CSMD1: variants seen among roughly 807,000 people sequenced by gnomAD.
CSMD1 encodes the protein CUB and sushi domain-containing protein 1.
Under a neutral mutation model 417.5 loss-of-function variants are expected in CSMD1, and 213 were observed. The ratio of observed to expected loss-of-function variants is 0.51; its 90% CI spans 0.46 to 0.57. The LOEUF is 0.57. Among genes scored for constraint, CSMD1 ranks in the 20% least tolerant of loss-of-function variants. CSMD1 has a pLI of 0.00. For synonymous variants in CSMD1, 2,862 were observed against 1,736.8 expected, an observed-to-expected ratio of 1.65 and a Z score of -16.11; for missense variants, 6,923 against 4,529.7, an observed-to-expected ratio of 1.53 and a Z score of -15.17.
intron 3 of CSMD1, among the ~76,000 whole-genome samples, chr8:4,060,831 T>C (rs895225483): frequency 5.3e-5 from 8 of 152,046 alleles, no homozygotes; most frequent in African/African-American, 1.9e-4. Context: ...AAATCAGAAA[T>C]GCATTAATCA....
At chr8:4,457,440 CAT>C (rs1004640282) in intron 2 of CSMD1, among the ~76,000 whole-genome samples, 3 of 151,992 alleles carry the variant, frequency 2.0e-5, no homozygotes, top group African/African-American at 4.8e-5. Context: ...AAAAAACAAA[CAT>C]AATGCATTGA....
rs372686253 is a variant in CSMD1 at position 3,407,987 on chromosome 8, G to C, written c.1983C>G (p.Ser661=). ...LGTFSGNEVP[S]QLASSGHIVR... is the part of the protein sequence containing the mutation. ...CTATATGCCCACTGCTGGCCAGCTG[G>C]GAAGGCACTTCATTGCCAGAAAAAG... Residue 661 remains serine (S), a synonymous_variant, in exon 14 of 70, where the codon TCC becomes TCG. Transcript: ENST00000635120. The C allele has an allele frequency of 1.9e-5, 30 of 1,613,666 alleles. No homozygotes were observed. The Middle Eastern group carries it at 4.9e-4, about 27-fold the overall frequency.
At chr8:3,055,862 T>C (rs10866945) in intron 49 of CSMD1, among the ~76,000 whole-genome samples, 36,525 of 152,180 alleles carry the variant, frequency 0.24, 4,691 homozygotes, top group East Asian at 0.43. Context: ...TGGCTTCAGC[T>C]AACTTACTTA....
At chr8:3,960,455 A>T (rs1048692193) in intron 5 of CSMD1, among the ~76,000 whole-genome samples, 2 of 152,214 alleles carry the variant, frequency 1.3e-5, no homozygotes, top group Admixed American at 6.5e-5. Flanking sequence ...AATTTTCAAC[A>T]CAGGGGCGAA....
intron 3 of CSMD1, among the ~76,000 whole-genome samples, chr8:4,213,845 G>A (rs1204270619): frequency 6.6e-6 from 1 of 152,202 alleles, no homozygotes; most frequent in Non-Finnish European, 1.5e-5. Flanking sequence ...TTGAACCCCA[G>A]TGTTTAGGCT....
At chr8:4,736,520 G>C (rs1034219701) in intron 1 of CSMD1, among the ~76,000 whole-genome samples, 1 of 152,078 alleles carries the variant, frequency 6.6e-6, no homozygotes, top group Non-Finnish European at 1.5e-5. Context: ...CATACACTGC[G>C]GCCATGACAG....
At chr8:4,688,266 T>C (rs559635887) in intron 1 of CSMD1, among the ~76,000 whole-genome samples, 4 of 152,324 alleles carry the variant, frequency 2.6e-5, no homozygotes, top group South Asian at 2.1e-4. Context: ...AATATGTATA[T>C]TGATCTAACA....
At chr8:4,973,905 C>T (rs1810393130) in intron 1 of CSMD1, among the ~76,000 whole-genome samples, 1 of 152,142 alleles carries the variant, frequency 6.6e-6, no homozygotes, top group Non-Finnish European at 1.5e-5. Context: ...CATTTTTCTC[C>T]AAAGTCTGTC....
At chr8:4,506,403 A>G (rs1366560207) in intron 2 of CSMD1, among the ~76,000 whole-genome samples, 2 of 152,030 alleles carry the variant, frequency 1.3e-5, no homozygotes, top group East Asian at 3.9e-4. Flanking sequence ...GAGAGAGAGA[A>G]AGTGATGAAC....
At chr8:2,951,642 A>G (rs1005029539) in intron 65 of CSMD1, among the ~76,000 whole-genome samples, 1 of 152,166 alleles carries the variant, frequency 6.6e-6, no homozygotes, top group Admixed American at 6.5e-5. Flanking sequence ...GACCCATGAA[A>G]TCACTACTGA....
chr8:3,411,599 C>T (rs1468056004), intron 12 of CSMD1, among the ~76,000 whole-genome samples: 1 of 150,490 alleles, frequency 6.6e-6, no homozygotes, highest in East Asian at 2.0e-4. Context: ...CAATCTCATC[C>T]AGGTTGCTGC....
At chr8:3,029,709 A>G (rs1010448296) in intron 50 of CSMD1, among the ~76,000 whole-genome samples, 196 bp from the exon 51 acceptor site, 2 of 151,962 alleles carry the variant, frequency 1.3e-5, no homozygotes, top group Admixed American at 6.6e-5. Context: ...AATGCATTCA[A>G]TTGCCTCACT....
chr8:3,999,197 T>C (rs1215777978), intron 4 of CSMD1, among the ~76,000 whole-genome samples: 1 of 152,038 alleles, frequency 6.6e-6, no homozygotes, highest in African/African-American at 2.4e-5. Context: ...TTCCTATCCA[T>C]AATATATATT....
At chr8:3,641,024 C>CTTTTTTTTTT (rs34851559) in intron 7 of CSMD1, among the ~76,000 whole-genome samples, 54 of 102,748 alleles carry the variant, frequency 5.3e-4, no homozygotes, top group South Asian at 1.1e-3. Flanking sequence ...TCCTTTTTTC[C>CTTTTTTTTTT]TTTTTTTTTT....
At chr8:3,128,831 TCTC>T (rs1585421044) in intron 41 of CSMD1, 1 of 449,306 alleles carries the variant, frequency 2.2e-6, no homozygotes, top group Non-Finnish European at 4.4e-6. Context: ...AGTCCTTTCT[TCTC>T]CTTGACATCT....
At chr8:3,475,264 C>T (rs1337813255) in intron 11 of CSMD1, among the ~76,000 whole-genome samples, 1 of 152,166 alleles carries the variant, frequency 6.6e-6, no homozygotes, top group Non-Finnish European at 1.5e-5. Flanking sequence ...CAACCTCCAC[C>T]TTCTTTCAAA....
chr8:4,119,450 A>C (rs555781785), intron 3 of CSMD1, among the ~76,000 whole-genome samples: 2 of 152,302 alleles, frequency 1.3e-5, no homozygotes, highest in Admixed American at 6.5e-5. Flanking sequence ...CATGGACTGA[A>C]TATCTGTGTC....
At chr8:3,835,294 A>G (rs1802616107) in intron 5 of CSMD1, among the ~76,000 whole-genome samples, 1 of 152,068 alleles carries the variant, frequency 6.6e-6, no homozygotes, top group African/African-American at 2.4e-5. Flanking sequence ...CACTATTCAC[A>G]ATAGCAAAGA....
chr8:4,644,993 A>T (rs1340182534), intron 1 of CSMD1, among the ~76,000 whole-genome samples: 1 of 152,216 alleles, frequency 6.6e-6, no homozygotes, highest in Non-Finnish European at 1.5e-5. Flanking sequence ...GTGGTACTTG[A>T]AAGAACTATA....
Sources: allele counts gnomAD v4.1 joint callset (sites outside exome capture counted in the v4.1 genomes callset), GRCh38; gene constraint gnomAD v4.1.1; transcripts MANE v1.5; gene names NCBI Gene and HGNC (gene_info 2026-07-23, HGNC 2026-07-21).